The following ARL17B variants were observed in gnomAD, a reference collection of about 807,000 sequenced individuals.
The protein encoded by ARL17B is ADP-ribosylation factor-like protein 17.
At chr17:46,316,197 T>C (rs2051094718) in intron 3 of ARL17B, among the ~76,000 whole-genome samples, 1 of 17,016 alleles carries the variant, frequency 5.9e-5, no homozygotes, top group South Asian at 2.1e-3. Flanking sequence ...GTGCTGGGAT[T>C]ACAGGCCTGA....
chr17:46,282,971 T>C (rs1168247426), intron 4 of ARL17B, among the ~76,000 whole-genome samples: 2 of 151,746 alleles, frequency 1.3e-5, no homozygotes, highest in East Asian at 1.9e-4. Context: ...CTACCAAAAT[T>C]AGTCGGGTGT....
intron 4 of ARL17B, among the ~76,000 whole-genome samples, chr17:46,288,140 A>G (rs1469475571): frequency 6.6e-6 from 1 of 151,700 alleles, no homozygotes; most frequent in East Asian, 1.9e-4. Flanking sequence ...TATGTAGTTT[A>G]TCCTGTTACC....
At chr17:46,285,063 C>T (rs1289429394) in intron 4 of ARL17B, among the ~76,000 whole-genome samples, 2 of 152,076 alleles carry the variant, frequency 1.3e-5, no homozygotes, top group Non-Finnish European at 2.9e-5. Flanking sequence ...GAGATGGGGT[C>T]TCACTTTGTT....
chr17:46,312,755 G>A (rs2050868061), intron 3 of ARL17B, among the ~76,000 whole-genome samples: 1 of 63,816 alleles, frequency 1.6e-5, no homozygotes, highest in Admixed American at 1.7e-4. Flanking sequence ...CCTAGTTTGA[G>A]AATCCATACT....
At chr17:46,327,842 A>T (rs1193598307) in intron 3 of ARL17B, among the ~76,000 whole-genome samples, 2 of 18,450 alleles carry the variant, frequency 1.1e-4, no homozygotes, top group African/African-American at 1.8e-4. Flanking sequence ...TTTCAATATC[A>T]CTCTTCGTGG....
intron 4 of ARL17B, among the ~76,000 whole-genome samples, chr17:46,277,238 G>A (rs1881897457): frequency 6.6e-6 from 1 of 152,148 alleles, no homozygotes; most frequent in Admixed American, 6.5e-5. Context: ...ATCCTAAGTG[G>A]CCCCTACACT....
intron 4 of ARL17B, among the ~76,000 whole-genome samples, chr17:46,280,519 T>C (rs2696518): frequency 6.6e-6 from 1 of 151,256 alleles, no homozygotes; most frequent in Admixed American, 6.6e-5. Context: ...TAATTAAAAA[T>C]ATATATTATT....
chr17:46,332,367 C>G, downstream of ARL17B, among the ~76,000 whole-genome samples: 2 of 69,950 alleles, frequency 2.9e-5, no homozygotes, highest in African/African-American at 1.5e-4. Context: ...GTGGGAGGAT[C>G]ACCTGAGCCC....
chr17:46,327,081 G>A (rs1408256009), intron 3 of ARL17B, among the ~76,000 whole-genome samples: 2 of 86,352 alleles, frequency 2.3e-5, no homozygotes, highest in Admixed American at 1.2e-4. Context: ...CCATGACATT[G>A]GCATTTTTTA....
chr17:46,281,606 T>C (rs1385383140), intron 4 of ARL17B, among the ~76,000 whole-genome samples: 1 of 152,160 alleles, frequency 6.6e-6, no homozygotes, highest in African/African-American at 2.4e-5. Context: ...ATTTTTAAAA[T>C]TTTTGTAGAG....
At chr17:46,288,408 A>G (rs1220027583) in intron 4 of ARL17B, among the ~76,000 whole-genome samples, 1 of 147,912 alleles carries the variant, frequency 6.8e-6, no homozygotes, top group African/African-American at 2.5e-5. Context: ...TCCTGGCTTC[A>G]AGCAATTCTC....
At chr17:46,278,384 CTGTTT>C (rs1482439194) in intron 4 of ARL17B, among the ~76,000 whole-genome samples, 3 of 146,958 alleles carry the variant, frequency 2.0e-5, no homozygotes, top group African/African-American at 7.4e-5. Context: ...TTGTTTTGTT[CTGTTT>C]TGTTTTATTT....
At chr17:46,274,783 CTTTT>C (rs66460964) in exon 5 of ARL17B, 18,434 of 146,414 alleles carry the variant, frequency 0.13, 2 homozygotes, top group Non-Finnish European at 0.19. Flanking sequence ...CTTTCTTTTT[CTTTT>C]TTTTTTTTAA....
In ARL17B at chr17:46,288,229, C is replaced by T. The variant is rs539913818; in HGVS notation, c.*21+11297G>A. On this transcript the variant is annotated intron_variant, in intron 4 of 4. Coordinates refer to the ARL17B transcript ENST00000570618. ...GGATCACGGCCCCCTGCAGCCTGGA[C>T]CTCCCAGGCTCACATGATCCTCCCA... Among the ~76,000 whole-genome samples, 3 of 152,042 alleles carry T rather than the reference C, an allele frequency of 2.0e-5. No homozygotes were observed. In the East Asian group the frequency reaches 5.8e-4, roughly 29 times the overall value.
At chr17:46,276,790 CTTTTTT>C (rs75549659) in intron 4 of ARL17B, among the ~76,000 whole-genome samples, 1 of 134,320 alleles carries the variant, frequency 7.4e-6, no homozygotes, top group Non-Finnish European at 1.6e-5. Context: ...TTCTTTTTTT[CTTTTTT>C]TTTTTTTTTT....
chr17:46,351,750 C>T (rs1018139496), intron 3 of ARL17B, among the ~76,000 whole-genome samples: 216 of 152,000 alleles, frequency 1.4e-3, no homozygotes, highest in African/African-American at 1.5e-3. Flanking sequence ...GAAAGACTGA[C>T]GAATATGTAA....
chr17:46,289,485 T>C (rs767357349), intron 4 of ARL17B, among the ~76,000 whole-genome samples: 40 of 152,316 alleles, frequency 2.6e-4, no homozygotes, highest in South Asian at 4.1e-4. Context: ...AGAATATTTC[T>C]TAAAATCTGA....
At chr17:46,288,308 T>C (rs113000339) in intron 4 of ARL17B, among the ~76,000 whole-genome samples, 3,887 of 111,008 alleles carry the variant, frequency 0.035, no homozygotes, top group Middle Eastern at 0.063. Flanking sequence ...GGCCCGGCTT[T>C]TTTTTTTTTT....
At chr17:46,312,662 A>AG (rs2050861736) in intron 3 of ARL17B, among the ~76,000 whole-genome samples, 1 of 78,820 alleles carries the variant, frequency 1.3e-5, no homozygotes, top group Middle Eastern at 7.0e-3. Context: ...TATAGAATGA[A>AG]GGGGTAGCCG....
Sources: gnomAD v4.1 joint callset for allele counts (sites outside exome capture counted in the v4.1 genomes callset) on GRCh38, gnomAD v4.1.1 for gene constraint, MANE v1.5 for transcripts, NCBI Gene and HGNC (gene_info 2026-07-23, HGNC 2026-07-21) for gene names.